The following NFIB variants were observed in gnomAD, a reference collection of about 807,000 sequenced individuals.
The protein encoded by NFIB is nuclear factor I B, also known as nuclear factor 1 B-type.
In NFIB, 11 loss-of-function variants were observed where a neutral mutation model predicts 61.5. The observed-to-expected ratio is 0.18, with a 90% CI of 0.11 to 0.30. NFIB has a LOEUF of 0.30. Among genes scored for constraint, NFIB ranks in the 10% least tolerant of loss-of-function variants. The pLI, the probability that NFIB is intolerant of heterozygous loss-of-function variation, is 1.00. For synonymous variants in NFIB, 260 were observed against 216.5 expected (o/e 1.20, Z -1.76); for missense variants, 471 against 608.9 (o/e 0.77, Z 2.38).
chr9:14,495,377 G>T, the NFIB span, among the ~76,000 whole-genome samples: 1 of 150,968 alleles, frequency 6.6e-6, no homozygotes, highest in East Asian at 2.0e-4. Flanking sequence ...CAGATTTCAG[G>T]AACAGCAGAG....
chr9:14,303,141 GA>G (rs2059839330), intron 2 of NFIB, among the ~76,000 whole-genome samples: 1 of 152,162 alleles, frequency 6.6e-6, no homozygotes, highest in African/African-American at 2.4e-5. Context: ...AACTAGAGAG[GA>G]AAACTGAAGT....
chr9:14,350,141 G>A (rs1457003703), intron 1 of NFIB, among the ~76,000 whole-genome samples: 1 of 152,094 alleles, frequency 6.6e-6, no homozygotes, highest in East Asian at 1.9e-4. Context: ...CAGCCTCGGT[G>A]CCTCTGTATT....
intron 1 of NFIB, among the ~76,000 whole-genome samples, chr9:14,360,916 AT>A (rs2061232475): frequency 1.3e-5 from 2 of 151,670 alleles, no homozygotes; most frequent in Admixed American, 1.3e-4. Context: ...GATAATTTTT[AT>A]TTGTTAGTGT....
In NFIB at chr9:14,295,444, G is replaced by A. The variant is rs989212113; in HGVS notation, c.562+11545C>T. Among the ~76,000 whole-genome samples the A allele has an allele frequency of 6.6e-5, 10 of 152,034 alleles. No individual in the cohort carries two copies. In the South Asian group the frequency reaches 2.1e-3, roughly 32 times the overall value. Reference sequence around the variant, plus strand: ...GATGGAGATCATCCTGGCTAACACTGTGAAACCCCGTCTCTACTAAACATA... The same window carrying A: ...GATGGAGATCATCCTGGCTAACACTATGAAACCCCGTCTCTACTAAACATA... On this transcript the variant is annotated intron_variant, in intron 2 of 10. Transcript: ENST00000380953.
chr9:14,435,797 G>A, the NFIB span, among the ~76,000 whole-genome samples: 1 of 152,296 alleles, frequency 6.6e-6, no homozygotes, highest in East Asian at 1.9e-4. Context: ...AGGAAGGTGG[G>A]CAGATCTGTT....
intron 7 of NFIB, among the ~76,000 whole-genome samples, chr9:14,123,643 C>T (rs1012543057): frequency 1.3e-5 from 2 of 152,200 alleles, no homozygotes; most frequent in Non-Finnish European, 2.9e-5. Context: ...ATGGCAGTTG[C>T]CTGCTGCAAT....
the NFIB span, among the ~76,000 whole-genome samples, chr9:14,427,950 T>TTTG: frequency 9.5e-6 from 1 of 105,264 alleles, no homozygotes; most frequent in African/African-American, 3.5e-5. Context: ...TTTTTTTTTT[T>TTTG]TTTTTTTTTT....
intron 1 of NFIB, among the ~76,000 whole-genome samples, chr9:14,376,292 A>G (rs1405557632): frequency 6.8e-6 from 1 of 148,054 alleles, no homozygotes; most frequent in Admixed American, 6.6e-5. Context: ...GGAGCTTACA[A>G]TCATGTTTTA....
chr9:14,173,321 C>T (rs2045783962), intron 3 of NFIB, among the ~76,000 whole-genome samples: 2 of 152,126 alleles, frequency 1.3e-5, no homozygotes, highest in South Asian at 4.1e-4. Flanking sequence ...TTCACTCCAC[C>T]ATGCCACCTA....
At chr9:14,184,855 T>C (rs2047171973) in intron 2 of NFIB, among the ~76,000 whole-genome samples, 1 of 152,046 alleles carries the variant, frequency 6.6e-6, no homozygotes, top group Admixed American at 6.6e-5. Flanking sequence ...ACCCCGTCTC[T>C]ACCAAAAAAT....
At chr9:14,418,372 G>T in the NFIB span, among the ~76,000 whole-genome samples, 3 of 152,104 alleles carry the variant, frequency 2.0e-5, no homozygotes, top group Non-Finnish European at 4.4e-5. Context: ...TTTCCCCAGG[G>T]AAGTTACATA....
chr9:14,248,940 A>G (rs995193158), intron 2 of NFIB, among the ~76,000 whole-genome samples: 2 of 152,232 alleles, frequency 1.3e-5, no homozygotes, highest in Non-Finnish European at 2.9e-5. Flanking sequence ...TCCCAGTTAC[A>G]TCATTTGAAC....
intron 5 of NFIB, among the ~76,000 whole-genome samples, chr9:14,148,729 T>C (rs1587038382): frequency 6.6e-6 from 1 of 152,184 alleles, no homozygotes; most frequent in Admixed American, 6.6e-5. Context: ...GAATCATGTA[T>C]ATGCCTGAGT....
chr9:14,454,213 T>C, the NFIB span, among the ~76,000 whole-genome samples: 1 of 152,204 alleles, frequency 6.6e-6, no homozygotes. Flanking sequence ...ACCAGTACAA[T>C]TGTCAATACA....
chr9:14,113,848 C>T (rs932121675), intron 9 of NFIB, among the ~76,000 whole-genome samples: 4 of 151,990 alleles, frequency 2.6e-5, no homozygotes, highest in African/African-American at 9.7e-5. Flanking sequence ...TTTGCAAGTA[C>T]TTTTTGTACA....
At chr9:14,198,027 A>G (rs2048641521) in intron 2 of NFIB, among the ~76,000 whole-genome samples, 1 of 152,246 alleles carries the variant, frequency 6.6e-6, no homozygotes, top group African/African-American at 2.4e-5. Context: ...GAGTCTACAG[A>G]CAGAATACAC....
intron 4 of NFIB, among the ~76,000 whole-genome samples, chr9:14,151,338 C>G (rs1027109372): frequency 9.2e-5 from 14 of 152,084 alleles, no homozygotes; most frequent in African/African-American, 3.4e-4. Context: ...TGAACCTGTT[C>G]GCTGAAAATT....
chr9:14,308,788 C>A (rs557323022), intron 1 of NFIB, among the ~76,000 whole-genome samples: 6 of 152,272 alleles, frequency 3.9e-5, no homozygotes, highest in African/African-American at 7.2e-5. Flanking sequence ...ATTTTTCCTG[C>A]CTGTTTCATC....
the NFIB span, among the ~76,000 whole-genome samples, chr9:14,409,537 G>GAGT: frequency 7.9e-5 from 12 of 152,210 alleles, no homozygotes; most frequent in African/African-American, 2.9e-4. Context: ...TCTTTGAAGG[G>GAGT]AGTACTTCTA....
Sources: gnomAD v4.1 joint callset for allele counts (sites outside exome capture counted in the v4.1 genomes callset) on GRCh38, gnomAD v4.1.1 for gene constraint, MANE v1.5 for transcripts, NCBI Gene and HGNC (gene_info 2026-07-23, HGNC 2026-07-21) for gene names.